The following GRID1 variants were observed in gnomAD, a reference collection of about 807,000 sequenced individuals.
The protein encoded by GRID1 is glutamate receptor ionotropic, delta-1.
In GRID1, 28 loss-of-function variants were observed where a neutral mutation model predicts 98.0. The ratio of observed to expected loss-of-function variants is 0.29; its 90% CI spans 0.21 to 0.39. The LOEUF is 0.39. Ranked by LOEUF, GRID1 falls within the 10% of genes least tolerant of loss-of-function variation. The pLI is 1.00. For missense variants in GRID1, 1,111 were observed against 1,340.5 expected, an observed-to-expected ratio of 0.83 and a Z score of 2.67; for synonymous variants, 553 against 538.5, an observed-to-expected ratio of 1.03 and a Z score of -0.37.
rs200078260 is a variant in GRID1 at position 85,724,624 on chromosome 10, A to G, written c.1586T>C (p.Val529Ala). Residue 529 changes from valine (V) to alanine (A), a missense_variant, in exon 11 of 16, where the codon GTT becomes GCT. Physicochemically the swap from Val to Ala is moderately conservative, Grantham distance 64. Coordinates refer to ENST00000327946, the MANE Select transcript of GRID1 (RefSeq NM_017551.3). ...CATGTACCGCTTGCTGAAGTCCACA[A>G]CGCTCTCCCTCTCTGGGGTGATGGT... ...AITITPERES[V>A]VDFSKRYMDY... The G allele has an allele frequency of 4.3e-6, 7 of 1,613,384 alleles. No homozygotes were observed. Among genetic ancestry groups the G allele is most frequent in the East Asian group, 2.2e-5 (1 of 44,878 alleles).
chr10:86,168,145 G>A (rs1224620710), intron 3 of GRID1, among the ~76,000 whole-genome samples: 1 of 152,178 alleles, frequency 6.6e-6, no homozygotes, highest in Non-Finnish European at 1.5e-5. Flanking sequence ...GCCTGCATGA[G>A]TGGACCTCCA....
At chr10:86,204,031 C>G (rs555634449) in intron 3 of GRID1, among the ~76,000 whole-genome samples, 1 of 152,248 alleles carries the variant, frequency 6.6e-6, no homozygotes, top group South Asian at 2.1e-4. Flanking sequence ...TTCAACCCCA[C>G]CAAAGGTAGC....
intron 8 of GRID1, among the ~76,000 whole-genome samples, chr10:85,785,416 C>T (rs3011695): frequency 1 from 151,568 of 152,296 alleles, 75,421 homozygotes; most frequent in East Asian, 1. Flanking sequence ...ATGAATTCCA[C>T]GGACGCGGAA....
intron 5 of GRID1, among the ~76,000 whole-genome samples, chr10:85,886,212 G>C (rs576616422): frequency 6.6e-6 from 1 of 152,326 alleles, no homozygotes; most frequent in South Asian, 2.1e-4. Context: ...AGACCTAGAA[G>C]AGACAGCACC....
At chr10:86,087,698 CA>C (rs1252541456) in intron 4 of GRID1, among the ~76,000 whole-genome samples, 1 of 152,042 alleles carries the variant, frequency 6.6e-6, no homozygotes, top group Non-Finnish European at 1.5e-5. Flanking sequence ...CCTGTCCACA[CA>C]ATCTCCCAGT....
At chr10:85,979,926 T>C (rs1462382790) in intron 4 of GRID1, among the ~76,000 whole-genome samples, 1 of 152,250 alleles carries the variant, frequency 6.6e-6, no homozygotes, top group Non-Finnish European at 1.5e-5. Context: ...TCATGCACAA[T>C]GGTTACCTTC....
intron 3 of GRID1, among the ~76,000 whole-genome samples, chr10:86,205,651 T>C (rs1249256540): frequency 6.6e-6 from 1 of 152,162 alleles, no homozygotes; most frequent in South Asian, 2.1e-4. Flanking sequence ...AATTATCACA[T>C]AATTTTCAAA....
chr10:85,607,976 C>T (rs1333823686), intron 15 of GRID1, among the ~76,000 whole-genome samples: 1 of 151,948 alleles, frequency 6.6e-6, no homozygotes, highest in Non-Finnish European at 1.5e-5. Flanking sequence ...TACCATCTCA[C>T]CTGGCTAATT....
chr10:85,997,282 C>T, intron 4 of GRID1, among the ~76,000 whole-genome samples: 1 of 152,028 alleles, frequency 6.6e-6, no homozygotes, highest in East Asian at 1.9e-4. Context: ...CACCTGTAAT[C>T]CCAACTACTC....
chr10:86,311,265 C>T (rs1847828263), intron 2 of GRID1, among the ~76,000 whole-genome samples: 1 of 152,208 alleles, frequency 6.6e-6, no homozygotes, highest in South Asian at 2.1e-4. Context: ...CAGACTCAGA[C>T]TGTCAGACGT....
chr10:85,940,898 G>T (rs191320422), intron 4 of GRID1, among the ~76,000 whole-genome samples: 62 of 152,358 alleles, frequency 4.1e-4, no homozygotes, highest in Non-Finnish European at 4.3e-4. Context: ...GGCTCAGGGT[G>T]CCAAAGCAGC....
At chr10:86,087,766 A>G (rs942754296) in intron 4 of GRID1, among the ~76,000 whole-genome samples, 2 of 152,074 alleles carry the variant, frequency 1.3e-5, no homozygotes, top group African/African-American at 4.8e-5. Context: ...CCCATTCTCT[A>G]CCACATGGCT....
intron 3 of GRID1, among the ~76,000 whole-genome samples, chr10:86,196,476 C>T (rs1845874680): frequency 6.6e-6 from 1 of 152,088 alleles, no homozygotes; most frequent in Non-Finnish European, 1.5e-5. Context: ...ATTATCCCCA[C>T]TACTAAAGTG....
At chr10:85,770,505 C>T (rs371107860) in intron 8 of GRID1, among the ~76,000 whole-genome samples, 2 of 152,138 alleles carry the variant, frequency 1.3e-5, no homozygotes, top group East Asian at 1.9e-4. Context: ...GAGAAGAAGG[C>T]TTCAGACGAT....
At chr10:85,875,267 T>C (rs1843318034) in intron 5 of GRID1, among the ~76,000 whole-genome samples, 2 of 152,186 alleles carry the variant, frequency 1.3e-5, no homozygotes, top group Non-Finnish European at 2.9e-5. Context: ...TATTTATTTC[T>C]AGTAACACAT....
rs59704249 is a variant in GRID1 at position 85,933,285 on chromosome 10, TAAAAAA to T, written c.727-17052_727-17047del. Among the ~76,000 whole-genome samples, 850 of 120,438 alleles carry T rather than the reference TAAAAAA, an allele frequency of 7.1e-3. 14 individuals are homozygous for T. The highest frequency in any genetic ancestry group is 0.028 in the African/African-American group (789 of 28,604). The allele number at this position is 120,438 out of a possible 152,430, so 79.0% of individuals were successfully genotyped here. The stretch of plus-strand genomic sequence containing the variant: ...GTATAAGAAATAAATCTCTGTTCTT[TAAAAAA>T]AAAAAAAAAAAAAAAAAAAAACTTA... On this transcript the variant is annotated intron_variant, in intron 4 of 15. Transcript: ENST00000327946.
At chr10:85,936,629 C>T (rs927788997) in intron 4 of GRID1, among the ~76,000 whole-genome samples, 1 of 152,118 alleles carries the variant, frequency 6.6e-6, no homozygotes, top group African/African-American at 2.4e-5. Flanking sequence ...CTGTTTGTTG[C>T]CTTGCCTACT....
At chr10:86,249,326 T>A (rs1175623059) in intron 2 of GRID1, among the ~76,000 whole-genome samples, 1 of 152,086 alleles carries the variant, frequency 6.6e-6, no homozygotes, top group East Asian at 1.9e-4. Flanking sequence ...AGTCCCAAGG[T>A]CACCATCAGT....
intron 4 of GRID1, among the ~76,000 whole-genome samples, chr10:86,018,311 A>G (rs1751619689): frequency 6.6e-6 from 1 of 152,226 alleles, no homozygotes; most frequent in African/African-American, 2.4e-5. Context: ...AAAATTGCCC[A>G]GCTTGGTCAG....
Sources: allele counts gnomAD v4.1 joint callset (sites outside exome capture counted in the v4.1 genomes callset), GRCh38; gene constraint gnomAD v4.1.1; transcripts MANE v1.5; gene names NCBI Gene and HGNC (gene_info 2026-07-23, HGNC 2026-07-21).